Variants in FGF14 observed in about 807,000 individuals in gnomAD.
FGF14 encodes the protein fibroblast growth factor 14.
FGF14 carries 5 observed loss-of-function variants against 25.5 expected under a neutral mutation model. That is an observed-to-expected ratio of 0.20 (90% CI 0.10 to 0.41). The LOEUF is 0.41. Among genes scored for constraint, FGF14 ranks in the 10% least tolerant of loss-of-function variants. FGF14 has a pLI of 1.00. For missense variants in FGF14, 222 were observed against 320.1 expected (o/e 0.69, Z 2.34); for synonymous variants, 138 against 118.3 (o/e 1.17, Z -1.08).
At chr13:101,806,143 C>T (rs763687266) in intron 3 of FGF14, among the ~76,000 whole-genome samples, 7 of 151,552 alleles carry the variant, frequency 4.6e-5, no homozygotes, top group African/African-American at 9.7e-5. Context: ...AAAATATGGC[C>T]GGGAGCAGTG....
intron 3 of FGF14, among the ~76,000 whole-genome samples, chr13:101,839,232 A>AT (rs1166637741): frequency 6.6e-6 from 1 of 152,074 alleles, no homozygotes; most frequent in African/African-American, 2.4e-5. Context: ...CCTTTTATTA[A>AT]TTTTAAGTTG....
At chr13:102,301,765 A>C (rs1239727902) in intron 1 of FGF14, among the ~76,000 whole-genome samples, 1 of 150,954 alleles carries the variant, frequency 6.6e-6, no homozygotes, top group Non-Finnish European at 1.5e-5. Context: ...CTGGAAGGCA[A>C]TCTTACAGTA....
chr13:101,806,311 C>T (rs772604508), intron 3 of FGF14, among the ~76,000 whole-genome samples: 11 of 151,360 alleles, frequency 7.3e-5, no homozygotes, highest in Non-Finnish European at 1.2e-4. Flanking sequence ...CCCAGCTACT[C>T]AGGAGGCTGA....
intron 1 of FGF14, among the ~76,000 whole-genome samples, chr13:102,328,379 T>A (rs912409896): frequency 6.6e-6 from 1 of 152,232 alleles, no homozygotes; most frequent in Non-Finnish European, 1.5e-5. Flanking sequence ...CTAAAATAGG[T>A]GAATTTGTCT....
chr13:102,297,886 G>A (rs2054810889), intron 1 of FGF14, among the ~76,000 whole-genome samples: 1 of 152,044 alleles, frequency 6.6e-6, no homozygotes, highest in Non-Finnish European at 1.5e-5. Flanking sequence ...CTGTTTTACA[G>A]TTCAATGTGA....
chr13:102,012,592 T>C (rs1157524553), intron 1 of FGF14, among the ~76,000 whole-genome samples: 3 of 152,308 alleles, frequency 2.0e-5, no homozygotes, highest in Admixed American at 6.5e-5. Context: ...TCTTTCACAG[T>C]AGATTTCTGT....
chr13:101,875,950 C>T (rs544811568), intron 1 of FGF14, among the ~76,000 whole-genome samples: 2 of 152,152 alleles, frequency 1.3e-5, no homozygotes, highest in African/African-American at 4.8e-5. Flanking sequence ...CAAACCCACG[C>T]ATATGAGGTC....
At chr13:101,991,802 A>T (rs1161316309) in intron 1 of FGF14, among the ~76,000 whole-genome samples, 1 of 152,108 alleles carries the variant, frequency 6.6e-6, no homozygotes, top group Non-Finnish European at 1.5e-5. Context: ...GAAAGGGGCT[A>T]GTCTCGGCAA....
chr13:102,379,401 T>C (rs567907077), intron 1 of FGF14, among the ~76,000 whole-genome samples: 7 of 141,056 alleles, frequency 5.0e-5, no homozygotes, highest in Non-Finnish European at 7.5e-5. Context: ...TTAGGTAACA[T>C]AGATATACAC....
At chr13:101,751,729 G>T (rs563650116) in intron 3 of FGF14, among the ~76,000 whole-genome samples, 53 of 152,274 alleles carry the variant, frequency 3.5e-4, no homozygotes, top group African/African-American at 1.2e-3. Context: ...TCCAAACGCA[G>T]TGGAGGAGTA....
At chr13:101,964,410 A>T (rs891903409) in intron 1 of FGF14, among the ~76,000 whole-genome samples, 1 of 152,202 alleles carries the variant, frequency 6.6e-6, no homozygotes, top group African/African-American at 2.4e-5. Context: ...AGGATTTCTG[A>T]TCTATGCATT....
intron 1 of FGF14, among the ~76,000 whole-genome samples, chr13:102,288,998 C>T (rs1447359365): frequency 1.3e-5 from 2 of 151,842 alleles, no homozygotes; most frequent in African/African-American, 4.8e-5. Flanking sequence ...CCAAGGTTAG[C>T]CAATGAAAGC....
intron 1 of FGF14, among the ~76,000 whole-genome samples, chr13:102,026,029 G>A (rs1182893893): frequency 6.6e-6 from 1 of 151,918 alleles, no homozygotes; most frequent in Non-Finnish European, 1.5e-5. Context: ...CTTATTCCTT[G>A]TTCTAGGGGG....
At chr13:102,242,744 T>G (rs564872899) in intron 1 of FGF14, among the ~76,000 whole-genome samples, 1 of 152,214 alleles carries the variant, frequency 6.6e-6, no homozygotes, top group East Asian at 1.9e-4. Context: ...TTATCTCCTC[T>G]GGGCATATCC....
chr13:101,853,494 C>T lies in FGF14; in HGVS notation c.408+15231G>A, dbSNP rs181464892. 2.6e-4 allele frequency among the ~76,000 whole-genome samples: 40 copies of T among 151,922 alleles called. No homozygotes were observed. The East Asian group carries it at 3.9e-3, about 15-fold the overall frequency. On this transcript the variant is annotated intron_variant, in intron 3 of 4. Coordinates refer to ENST00000376143, the MANE Select transcript of FGF14 (RefSeq NM_004115.4). Reference sequence around the variant, plus strand: ...TAGAGACAGGGCCTTGCTATGTCTCCCAGACTGGGGTGCAGTGGCATGATC... The same window carrying T: ...TAGAGACAGGGCCTTGCTATGTCTCTCAGACTGGGGTGCAGTGGCATGATC...
At chr13:102,116,965 G>A (rs1276695405) in intron 1 of FGF14, among the ~76,000 whole-genome samples, 2 of 152,160 alleles carry the variant, frequency 1.3e-5, no homozygotes, top group Non-Finnish European at 2.9e-5. Context: ...GCTGCAGAAT[G>A]CAGTCTACCC....
chr13:101,943,877 C>T (rs374044013), intron 1 of FGF14, among the ~76,000 whole-genome samples: 56 of 145,096 alleles, frequency 3.9e-4, no homozygotes, highest in Non-Finnish European at 4.5e-4. Flanking sequence ...TGGCGCATGC[C>T]TGTAATCCCA....
chr13:102,071,259 C>T (rs894006206), intron 1 of FGF14, among the ~76,000 whole-genome samples: 6 of 152,158 alleles, frequency 3.9e-5, no homozygotes, highest in African/African-American at 1.4e-4. Context: ...GATTGCAGGG[C>T]AGATTTAAAC....
At chr13:101,990,066 C>A (rs2038812136) in intron 1 of FGF14, among the ~76,000 whole-genome samples, 1 of 152,064 alleles carries the variant, frequency 6.6e-6, no homozygotes, top group Non-Finnish European at 1.5e-5. Flanking sequence ...AGCTGTGGTG[C>A]TCATAAAACA....
Sources: allele counts gnomAD v4.1 joint callset (sites outside exome capture counted in the v4.1 genomes callset), GRCh38; gene constraint gnomAD v4.1.1; transcripts MANE v1.5; gene names NCBI Gene and HGNC (gene_info 2026-07-23, HGNC 2026-07-21).